Variants in TRDN observed in about 807,000 individuals in gnomAD.
The protein encoded by TRDN is triadin, also known as triadin in skeletal muscle.
In TRDN, 161 loss-of-function variants were observed where a neutral mutation model predicts 149.7. The ratio of observed to expected loss-of-function variants is 1.08; its 90% CI spans 0.95 to 1.23. The LOEUF (loss-of-function observed/expected upper bound fraction) is 1.23, where lower values mean the gene tolerates loss of function less well. Ranked by LOEUF, TRDN falls within the 50% of genes most tolerant of loss-of-function variation. The pLI, the probability that TRDN is intolerant of heterozygous loss-of-function variation, is 0.00. For missense variants in TRDN, 896 were observed against 823.5 expected, an observed-to-expected ratio of 1.09 and a Z score of -1.08; for synonymous variants, 294 against 250.5, an observed-to-expected ratio of 1.17 and a Z score of -1.64.
At chr6:123,398,449 T>C (rs924022702) in intron 12 of TRDN, among the ~76,000 whole-genome samples, 2 of 152,222 alleles carry the variant, frequency 1.3e-5, no homozygotes, top group African/African-American at 4.8e-5. Context: ...TCAAAATATA[T>C]ACATCCTTTA....
At chr6:123,583,660 G>C (rs988130552) in intron 1 of TRDN, among the ~76,000 whole-genome samples, 1 of 151,984 alleles carries the variant, frequency 6.6e-6, no homozygotes, top group African/African-American at 2.4e-5. Context: ...GCTAAACTGA[G>C]GAATTATGTC....
intron 20 of TRDN, among the ~76,000 whole-genome samples, chr6:123,362,716 T>C (rs1780948660): frequency 6.6e-6 from 1 of 152,184 alleles, no homozygotes; most frequent in Non-Finnish European, 1.5e-5. Context: ...GCTTTCAACC[T>C]TGAAATATGG....
At chr6:123,566,261 A>G (rs1449167450) in intron 2 of TRDN, among the ~76,000 whole-genome samples, 2 of 152,206 alleles carry the variant, frequency 1.3e-5, no homozygotes, top group African/African-American at 4.8e-5. Flanking sequence ...ATAGAAAGCA[A>G]GATGTTATCC....
chr6:123,549,557 T>C (rs576150208), intron 2 of TRDN, among the ~76,000 whole-genome samples: 2 of 152,226 alleles, frequency 1.3e-5, no homozygotes, highest in South Asian at 2.1e-4. Context: ...ATTATATCAA[T>C]GTATTATACT....
intron 9 of TRDN, among the ~76,000 whole-genome samples, chr6:123,466,778 A>T (rs1360470187): frequency 2.6e-5 from 4 of 152,084 alleles, no homozygotes; most frequent in Non-Finnish European, 5.9e-5. Flanking sequence ...TTAAAATATG[A>T]GTGTCCATAA....
At chr6:123,341,714 G>C (rs920155863) in intron 21 of TRDN, among the ~76,000 whole-genome samples, 6 of 151,922 alleles carry the variant, frequency 3.9e-5, no homozygotes, top group African/African-American at 1.4e-4. Context: ...AACATATTTA[G>C]GGGATGGAGA....
At chr6:123,351,210 A>C in intron 21 of TRDN, 1 of 983,076 alleles carries the variant, frequency 1.0e-6, no homozygotes, top group Non-Finnish European at 1.2e-6. Context: ...TGATTTTATA[A>C]GAAAAAATGC....
intron 5 of TRDN, among the ~76,000 whole-genome samples, chr6:123,527,823 T>C (rs1393718394): frequency 6.6e-6 from 1 of 151,758 alleles, no homozygotes; most frequent in Non-Finnish European, 1.5e-5. Flanking sequence ...AGGTACTGTA[T>C]GTGACCAATA....
chr6:123,351,886 C>A, intron 21 of TRDN: 2 of 984,848 alleles, frequency 2.0e-6, no homozygotes, highest in Non-Finnish European at 2.4e-6. Flanking sequence ...GAAGCCACAT[C>A]ACTTTAAATG....
In TRDN at chr6:123,433,143, A is replaced by AATATAT. The variant is rs540516694; in HGVS notation, c.1051+4914_1051+4919dup. On this transcript the variant is annotated intron_variant, in intron 12 of 40. Transcript: ENST00000334268. Reference sequence around the variant, plus strand: ...CACTCCCCTTCCCCCACACATCATAAATATATATATATATATATAATATAT... The same window carrying AATATAT: ...CACTCCCCTTCCCCCACACATCATAAATATATATATATATATATATATATAATATAT... Among the ~76,000 whole-genome samples the AATATAT allele has an allele frequency of 3.9e-3, 373 of 96,416 alleles. 2 individuals are homozygous for AATATAT. Among genetic ancestry groups the AATATAT allele is most frequent in the Non-Finnish European group, 4.9e-3 (256 of 51,876 alleles). 63.3% of individuals were successfully genotyped at this position (96,416 alleles called of 152,430 possible).
At chr6:123,290,243 C>T (rs556372150) in intron 24 of TRDN, among the ~76,000 whole-genome samples, 1 of 152,122 alleles carries the variant, frequency 6.6e-6, no homozygotes, top group Non-Finnish European at 1.5e-5. Flanking sequence ...AAAATTTAGT[C>T]AGGCAGCTGG....
chr6:123,351,403 T>A (rs1046159026), intron 21 of TRDN: 74 of 984,758 alleles, frequency 7.5e-5, no homozygotes, highest in Non-Finnish European at 2.8e-5. Flanking sequence ...GAAATTAGGA[T>A]CCAGTGCTCC....
At chr6:123,549,622 C>G (rs998963368) in intron 2 of TRDN, among the ~76,000 whole-genome samples, 3 of 151,986 alleles carry the variant, frequency 2.0e-5, no homozygotes, top group Non-Finnish European at 4.4e-5. Context: ...CATAGTAAGT[C>G]ATTGGAAGAT....
At chr6:123,463,323 G>T (rs1776577258) in intron 10 of TRDN, among the ~76,000 whole-genome samples, 1 of 149,442 alleles carries the variant, frequency 6.7e-6, no homozygotes. Context: ...GGGCAGCAGA[G>T]CAAGACTCCG....
intron 10 of TRDN, among the ~76,000 whole-genome samples, chr6:123,452,081 A>C (rs748911978): frequency 6.6e-6 from 1 of 152,150 alleles, no homozygotes; most frequent in Non-Finnish European, 1.5e-5. Flanking sequence ...CAAAATCAGC[A>C]TTCAAGGGAC....
chr6:123,473,747 C>T (rs914401402), intron 9 of TRDN, among the ~76,000 whole-genome samples: 40 of 151,922 alleles, frequency 2.6e-4, no homozygotes, highest in African/African-American at 8.9e-4. Flanking sequence ...GCGGATCTCT[C>T]GGCAGAAACC....
intron 1 of TRDN, among the ~76,000 whole-genome samples, chr6:123,635,331 C>CAT (rs1412563782): frequency 6.6e-6 from 1 of 151,382 alleles, no homozygotes; most frequent in Non-Finnish European, 1.5e-5. Context: ...AAAACACACA[C>CAT]ACACACACAC....
chr6:123,519,195 T>G lies in TRDN; in HGVS notation c.485-2989A>C, dbSNP rs1179903339. Reference sequence around the variant, plus strand: ...AAAAGTCCCTTCGGTATGCTGATAATTAAAAACAAATGGAATCCACCAGTT... The same window carrying G: ...AAAAGTCCCTTCGGTATGCTGATAAGTAAAAACAAATGGAATCCACCAGTT... On this transcript the variant is annotated intron_variant, in intron 5 of 40. Transcript: ENST00000334268. 2.6e-5 allele frequency among the ~76,000 whole-genome samples: 4 copies of G among 152,202 alleles called. No individual in the cohort carries two copies. The East Asian group carries it at 7.7e-4, about 29-fold the overall frequency.
At chr6:123,463,357 T>TAATAAATAAATA (rs374409398) in intron 10 of TRDN, among the ~76,000 whole-genome samples, 14 of 146,136 alleles carry the variant, frequency 9.6e-5, no homozygotes, top group Non-Finnish European at 1.9e-4. Flanking sequence ...AAAAAATAAA[T>TAATAAATAAATA]AATAAATAAA....
Sources: allele counts gnomAD v4.1 joint callset (sites outside exome capture counted in the v4.1 genomes callset), GRCh38; gene constraint gnomAD v4.1.1; transcripts MANE v1.5; gene names NCBI Gene and HGNC (gene_info 2026-07-23, HGNC 2026-07-21).